Variants in GSDMC observed in about 807,000 individuals in gnomAD.
GSDMC encodes the protein gasdermin-C.
Under a neutral mutation model 58.0 loss-of-function variants are expected in GSDMC, and 59 were observed. The ratio of observed to expected loss-of-function variants is 1.02; its 90% CI spans 0.82 to 1.26. GSDMC has a LOEUF of 1.26. Among genes scored for constraint, GSDMC ranks in the 50% most tolerant of loss-of-function variants. GSDMC has a pLI of 0.00. For missense variants in GSDMC, 659 were observed against 598.5 expected (o/e 1.10, Z -1.06); for synonymous variants, 241 against 220.2 (o/e 1.09, Z -0.83).
intron 1 of GSDMC, among the ~76,000 whole-genome samples, chr8:129,779,787 A>G (rs1260004108): frequency 6.6e-6 from 1 of 152,132 alleles, no homozygotes; most frequent in Non-Finnish European, 1.5e-5. Context: ...TAAGTAAGGC[A>G]CCAGGGACCA....
At position 129,776,738 on chromosome 8, in the gene GSDMC, CTGTTGT is replaced by C. The variant is rs35034463; in HGVS notation, c.221-459_221-454del. ...TAACTGTTTTTTTGTTTGGTTTTTG[CTGTTGT>C]TGTTGTTGTTGTTGTTTTTGTTGTT... On this transcript the variant is annotated intron_variant, in intron 2 of 13. Transcript: ENST00000276708. Among the ~76,000 whole-genome samples, 1,204 of 151,000 alleles carry C rather than the reference CTGTTGT, an allele frequency of 8.0e-3. 14 individuals carry two copies. Among genetic ancestry groups the C allele is most frequent in the African/African-American group, 0.028 (1,155 of 40,984 alleles).
At chr8:129,742,660 A>T in the GSDMC span, among the ~76,000 whole-genome samples, 441 of 152,262 alleles carry the variant, frequency 2.9e-3, 6 homozygotes, top group Non-Finnish European at 2.0e-3. Context: ...TTCCTGTGCC[A>T]TGCTGGAAAC....
At chr8:129,752,256 T>A (rs903366913) in intron 7 of GSDMC, 109 bp from the exon 8 acceptor site, 11 of 833,958 alleles carry the variant, frequency 1.3e-5, no homozygotes, top group Non-Finnish European at 2.2e-5. Flanking sequence ...TATCCTCCCC[T>A]TATTTCTCAC....
chr8:129,713,757 AC>A, the GSDMC span, among the ~76,000 whole-genome samples: 1 of 152,140 alleles, frequency 6.6e-6, no homozygotes, highest in Non-Finnish European at 1.5e-5. Context: ...AAAGAGTGAC[AC>A]TGTGTAACTA....
chr8:129,758,250 A>G (rs1052629635), intron 6 of GSDMC, among the ~76,000 whole-genome samples: 1 of 152,222 alleles, frequency 6.6e-6, no homozygotes, highest in Non-Finnish European at 1.5e-5. Context: ...ACAGAGCCAC[A>G]GCTAGTTTCA....
intron 3 of GSDMC, among the ~76,000 whole-genome samples, chr8:129,766,280 G>A (rs375003024): frequency 2.6e-5 from 4 of 152,326 alleles, no homozygotes; most frequent in South Asian, 2.1e-4. Flanking sequence ...TGACCGTTAC[G>A]GATTTACTGT....
chr8:129,751,968 G>T, intron 8 of GSDMC, 77 bp from the exon 9 acceptor site: 1 of 1,496,158 alleles, frequency 6.7e-7, no homozygotes, highest in Non-Finnish European at 9.3e-7. Flanking sequence ...TTCTTTCCCT[G>T]AACCACTCTT....
chr8:129,713,398 G>A, the GSDMC span, among the ~76,000 whole-genome samples: 2 of 88,830 alleles, frequency 2.3e-5, no homozygotes, highest in South Asian at 6.5e-4. Context: ...GGAGCCTTGT[G>A]GCCTCAGTGA....
At chr8:129,763,082 G>A (rs958442831) in intron 4 of GSDMC, among the ~76,000 whole-genome samples, 1 of 151,908 alleles carries the variant, frequency 6.6e-6, no homozygotes, top group East Asian at 1.9e-4. Context: ...AATATTCACT[G>A]TTTATACTTG....
chr8:129,726,585 C>T, the GSDMC span, among the ~76,000 whole-genome samples: 4 of 152,154 alleles, frequency 2.6e-5, no homozygotes, highest in East Asian at 3.8e-4. Flanking sequence ...ATCGGATATA[C>T]GAATAAAGTT....
intron 2 of GSDMC, 90 bp downstream of exon 2, chr8:129,777,278 T>C (rs2034264509): frequency 2.6e-6 from 2 of 765,230 alleles, no homozygotes; most frequent in African/African-American, 1.7e-5. Flanking sequence ...CTCCTTTCTG[T>C]GTGCTCAGTT....
Position 129,749,532 on chromosome 8 carries a change from G to T in GSDMC, c.1214-7C>A. On this transcript the variant is annotated splice_polypyrimidine_tract_variant and splice_region_variant and intron_variant, in intron 12 of 13. Coordinates refer to ENST00000276708, the MANE Select transcript of GSDMC (RefSeq NM_031415.3). ...TGTTGGAAGTCACTCAGCACTGAGG[G>T]TGGGGGACATGTGGGGAAAGACAGT... 6.2e-7 allele frequency: 1 copy of T among 1,610,222 alleles called. No homozygotes were observed. Among genetic ancestry groups the T allele is most frequent in the Non-Finnish European group, 8.5e-7 (1 of 1,176,498 alleles).
chr8:129,720,610 T>A, the GSDMC span, among the ~76,000 whole-genome samples: 1 of 152,352 alleles, frequency 6.6e-6, no homozygotes, highest in East Asian at 1.9e-4. Flanking sequence ...GTACAAATAG[T>A]ATCTACATTT....
intron 6 of GSDMC, among the ~76,000 whole-genome samples, chr8:129,755,870 G>A (rs1296191553): frequency 6.6e-6 from 1 of 150,554 alleles, no homozygotes; most frequent in Non-Finnish European, 1.5e-5. Flanking sequence ...GACTTACAAT[G>A]GACACAGAAA....
At chr8:129,741,901 A>T in the GSDMC span, among the ~76,000 whole-genome samples, 1,589 of 120,518 alleles carry the variant, frequency 0.013, 35 homozygotes, top group African/African-American at 0.057. Flanking sequence ...CAGATGAGTG[A>T]ATAAAGAAAA....
At chr8:129,730,839 C>A in the GSDMC span, among the ~76,000 whole-genome samples, 1 of 152,090 alleles carries the variant, frequency 6.6e-6, no homozygotes, top group Non-Finnish European at 1.5e-5. Flanking sequence ...GGCCGATAAA[C>A]CCATCATAAA....
intron 4 of GSDMC, among the ~76,000 whole-genome samples, chr8:129,763,941 C>T (rs748329244): frequency 2.6e-5 from 4 of 152,020 alleles, no homozygotes; most frequent in South Asian, 2.1e-4. Flanking sequence ...GAAATTTCTT[C>T]GATTTTGCTT....
chr8:129,724,669 G>A, the GSDMC span, among the ~76,000 whole-genome samples: 1 of 151,788 alleles, frequency 6.6e-6, no homozygotes, highest in African/African-American at 2.4e-5. Flanking sequence ...AGAAACAGAA[G>A]TAGAATTCTT....
At chr8:129,730,360 A>T in the GSDMC span, 4 of 1,295,446 alleles carry the variant, frequency 3.1e-6, no homozygotes, top group Admixed American at 8.5e-5. Flanking sequence ...ATGCAAGGAG[A>T]TTATCTACTG....
Sources: allele counts gnomAD v4.1 joint callset (sites outside exome capture counted in the v4.1 genomes callset), GRCh38; gene constraint gnomAD v4.1.1; transcripts MANE v1.5; gene names NCBI Gene and HGNC (gene_info 2026-07-23, HGNC 2026-07-21).